Variants in ERFL observed in about 807,000 individuals in gnomAD.
ERFL encodes ETS domain-containing transcription factor ERF-like.
In ERFL, 8 loss-of-function variants were observed where a neutral mutation model predicts 27.9. The ratio of observed to expected loss-of-function variants is 0.29; its 90% CI spans 0.17 to 0.52. ERFL has a LOEUF of 0.52. Among genes scored for constraint, ERFL ranks in the 20% least tolerant of loss-of-function variants. ERFL has a pLI of 0.97. For synonymous variants in ERFL, 174 were observed against 202.8 expected, an observed-to-expected ratio of 0.86 and a Z score of 1.21; for missense variants, 294 against 444.4, an observed-to-expected ratio of 0.66 and a Z score of 3.04.
chr19:41,912,823 G>T (rs2074761522), intron 2 of ERFL, 30 bp downstream of exon 2: 3 of 715,810 alleles, frequency 4.2e-6, no homozygotes, highest in Non-Finnish European at 5.4e-6. Context: ...AGGGGTGGGG[G>T]AAGGGGTGGG....
At chr19:41,927,101 CAGAGAT>C (rs1555853331) in intron 1 of ERFL, among the ~76,000 whole-genome samples, 2 of 152,006 alleles carry the variant, frequency 1.3e-5, no homozygotes, top group African/African-American at 4.8e-5. Context: ...CTGTGAGAGA[CAGAGAT>C]AGAGAGACAG....
chr19:41,920,160 G>C (rs2074832179), intron 1 of ERFL, among the ~76,000 whole-genome samples: 1 of 105,882 alleles, frequency 9.4e-6, no homozygotes, highest in Non-Finnish European at 1.7e-5. Context: ...GCCCAGACAT[G>C]ATGCACTCAG....
intron 2 of ERFL, among the ~76,000 whole-genome samples, chr19:41,911,579 G>A (rs1235647848): frequency 3.5e-5 from 5 of 144,334 alleles, no homozygotes; most frequent in Admixed American, 2.0e-4. Context: ...CCTGAAGGCC[G>A]GGGAGCTCCA....
At position 41,910,963 on chromosome 19, in the gene ERFL, C is replaced by T. The variant is rs1248467248; in HGVS notation, c.68-866G>A. 6.6e-6 allele frequency among the ~76,000 whole-genome samples: 1 copy of T among 152,078 alleles called. No homozygotes were observed. Among genetic ancestry groups the T allele is most frequent in the Non-Finnish European group, 1.5e-5 (1 of 68,028 alleles). ...TTACACATCTCAAGACTGGGACTTA[C>T]TAACAACACAAATGCCTGACAAGAC... On this transcript the variant is annotated intron_variant, in intron 2 of 5. Transcript: ENST00000597630. The surrounding 1 kb of genome is among the most constrained non-coding windows in gnomAD (Gnocchi z 4.4).
chr19:41,908,565 G>A lies in ERFL; in HGVS notation c.728C>T (p.Pro243Leu). 8.1e-7 allele frequency: 1 copy of A among 1,231,850 alleles called. No homozygotes were observed. The highest frequency in any genetic ancestry group is 3.2e-5 in the East Asian group (1 of 31,698). 76.3% of individuals were successfully genotyped at this position (1,231,850 alleles called of 1,614,324 possible). ...PYLTGPFPKL[P>L]PSLYPPHFYP... is the part of the protein sequence containing the mutation. ...GAAATGCGGGGGGTAGAGAGAGGGA[G>A]GCAGCTTGGGGAAGGGGCCCGTGAG... The change falls in exon 6 of 6, where the codon CCT (proline) becomes CTT (leucine). Residue 243 changes from proline (P) to leucine (L), a missense_variant. Around this residue, in one of 3 missense-constraint regions of ERFL, gnomAD observed 246 missense variants for 371.4 expected, o/e 0.66. Transcript: ENST00000597630. This position sits in a 1 kb window ranked among gnomAD's most constrained non-coding sequence, Gnocchi z 6.7.
intron 1 of ERFL, among the ~76,000 whole-genome samples, chr19:41,924,251 G>C (rs1376172521): frequency 6.6e-6 from 1 of 151,906 alleles, no homozygotes; most frequent in Non-Finnish European, 1.5e-5. Context: ...GATGAGGGAG[G>C]TAAGGACACC....
intron 1 of ERFL, among the ~76,000 whole-genome samples, chr19:41,914,774 C>A (rs868974110): frequency 2.4e-4 from 8 of 33,452 alleles, no homozygotes; most frequent in East Asian, 1.1e-3. Flanking sequence ...GTCTCTGTCT[C>A]TCCCTCCCCT....
intron 1 of ERFL, among the ~76,000 whole-genome samples, chr19:41,920,065 T>G (rs1169417256): frequency 9.5e-6 from 1 of 105,014 alleles, no homozygotes; most frequent in African/African-American, 3.9e-5. Flanking sequence ...CACACCCAGA[T>G]GTGACACACT....
At chr19:41,918,227 A>G (rs1302301942) in intron 1 of ERFL, among the ~76,000 whole-genome samples, 1 of 151,604 alleles carries the variant, frequency 6.6e-6, no homozygotes, top group Admixed American at 6.6e-5. Context: ...CACACATACC[A>G]CATATACACA....
intron 1 of ERFL, 120 bp from the exon 2 acceptor site, chr19:41,913,052 C>G (rs546497637): frequency 2.4e-6 from 1 of 410,294 alleles, no homozygotes. Context: ...AGCCTGACAC[C>G]CTCTCCCCGC....
chr19:41,912,826 G>A, intron 2 of ERFL, 27 bp downstream of exon 2: 2 of 949,098 alleles, frequency 2.1e-6, no homozygotes, highest in Non-Finnish European at 1.4e-6. Context: ...GGTGGGGGAA[G>A]GGGTGGGGGA....
chr19:41,919,771 C>T (rs926001622), intron 1 of ERFL, among the ~76,000 whole-genome samples: 7 of 137,670 alleles, frequency 5.1e-5, no homozygotes, highest in African/African-American at 1.8e-4. Context: ...GACTGAGCCT[C>T]CTCATCTTGC....
rs532484646 is a variant in ERFL at position 41,922,741 on chromosome 19, G to T, written c.-14+5299C>A. Among the ~76,000 whole-genome samples the T allele has an allele frequency of 1.1e-4, 16 of 152,286 alleles. No homozygotes were observed. In the East Asian group the frequency reaches 1.9e-3, roughly 18 times the overall value. On this transcript the variant is annotated intron_variant, in intron 1 of 5. Coordinates refer to ENST00000597630, the MANE Select transcript of ERFL (RefSeq NM_001365103.2). ...GCCGGGGTCCAGCCGGGCTGGGGGG[G>T]ACTCAGGGCTCCAGGGGCATCAGGC...
chr19:41,920,586 CACAG>C (rs2074836516), intron 1 of ERFL, among the ~76,000 whole-genome samples: 1 of 152,222 alleles, frequency 6.6e-6, no homozygotes. Flanking sequence ...GTGATGCACT[CACAG>C]ACAGGACATG....
At position 41,921,850 on chromosome 19, in the gene ERFL, C is replaced by G. The variant is rs997121086; in HGVS notation, c.-14+6190G>C. ...AGGTTGGTGTCCCCTGGGAGTCCGA[C>G]CCATCCCAGCTTCAAAGCCCACCCT... On this transcript the variant is annotated intron_variant, in intron 1 of 5. Coordinates refer to ENST00000597630, the MANE Select transcript of ERFL (RefSeq NM_001365103.2). This position sits in a 1 kb window ranked among gnomAD's most constrained non-coding sequence, Gnocchi z 4.4. Among the ~76,000 whole-genome samples the G allele has an allele frequency of 6.6e-6, 1 of 151,868 alleles. No individual in the cohort carries two copies. The highest frequency in any genetic ancestry group is 1.5e-5 in the Non-Finnish European group (1 of 67,950).
intron 1 of ERFL, among the ~76,000 whole-genome samples, chr19:41,918,904 AC>A (rs782243598): frequency 2.7e-5 from 4 of 149,926 alleles, no homozygotes; most frequent in Non-Finnish European, 5.9e-5. Context: ...TACCCATTAC[AC>A]ACATACACCA....
rs74614446 is a variant in ERFL at position 41,925,470 on chromosome 19, G to A, written c.-14+2570C>T. On this transcript the variant is annotated intron_variant, in intron 1 of 5. Transcript: ENST00000597630. ...AATGTTGTGTATAGTGAGAGACAGT[G>A]AGAGACCAGGAGAGGCAAAGACAGT... Among the ~76,000 whole-genome samples, 779 of 152,238 alleles carry A rather than the reference G, an allele frequency of 5.1e-3. 3 individuals carry two copies. Among genetic ancestry groups the A allele is most frequent in the Admixed American group, 8.2e-3 (126 of 15,310 alleles).
Position 41,908,434 on chromosome 19 carries a change from G to A in ERFL, c.859C>T (p.Pro287Ser), listed in dbSNP as rs1401842669. The A allele has an allele frequency of 8.1e-7, 1 of 1,231,104 alleles. No homozygotes were observed. Among genetic ancestry groups the A allele is most frequent in the Non-Finnish European group, 1.0e-6 (1 of 987,640 alleles). The allele number at this position is 1,231,104 out of a possible 1,614,324, so 76.3% of individuals were successfully genotyped here. ...GCTGCCAGGCCCGAGGGGCGCTCGGGGCCCAGGCCCTCCCCTGTCGAGGCC... is the reference window on the plus strand; with the variant it reads ...GCTGCCAGGCCCGAGGGGCGCTCGGAGCCCAGGCCCTCCCCTGTCGAGGCC... The part of the protein sequence containing the change: ...LLASTGEGLG[P>S]ERPSGLAAAP... The change falls in exon 6 of 6, where the codon CCC becomes TCC. Residue 287 changes from proline to serine, a missense_variant. By Grantham distance (74) the Pro-to-Ser change is moderately conservative (BLOSUM62 -1). This residue lies in a region of ERFL where 246 missense variants were observed against 371.4 expected (regional missense o/e 0.66). Transcript: ENST00000597630. The surrounding 1 kb of genome is among the most constrained non-coding windows in gnomAD (Gnocchi z 6.7).
In ERFL at chr19:41,910,913, A is replaced by G. The variant is rs186495819; in HGVS notation, c.68-816T>C. On this transcript the variant is annotated intron_variant, in intron 2 of 5. Transcript: ENST00000597630. This position sits in a 1 kb window ranked among gnomAD's most constrained non-coding sequence, Gnocchi z 4.4. The stretch of plus-strand genomic sequence containing the variant: ...GGTCACGTCATCTCAACAACCCCAC[A>G]GTGCACACCCATCACAACACAGAAT... 6.6e-6 allele frequency among the ~76,000 whole-genome samples: 1 copy of G among 151,894 alleles called. No individual in the cohort carries two copies. Among genetic ancestry groups the G allele is most frequent in the East Asian group, 1.9e-4 (1 of 5,168 alleles).
Sources: allele counts gnomAD v4.1 joint callset (sites outside exome capture counted in the v4.1 genomes callset), GRCh38; gene constraint gnomAD v4.1.1; regional missense constraint gnomAD v4.1.1; non-coding constraint Gnocchi (gnomAD v3.1); transcripts MANE v1.5; gene names NCBI Gene and HGNC (gene_info 2026-07-23, HGNC 2026-07-21).